Variants in USP4 observed in about 807,000 individuals in gnomAD.
USP4 encodes ubiquitin specific peptidase 4, also known as ubiquitin carboxyl-terminal hydrolase 4.
A neutral mutation model predicts 118.2 loss-of-function variants in USP4; 72 were observed. The ratio of observed to expected loss-of-function variants is 0.61; its 90% confidence interval spans 0.50 to 0.74. USP4 has a LOEUF of 0.74. Among genes scored for constraint, USP4 ranks in the 30% least tolerant of loss-of-function variants. The pLI is 0.00. For missense variants in USP4, 1,037 were observed against 1,185.7 expected (o/e 0.87, Z 1.84); for synonymous variants, 415 against 440.4 (o/e 0.94, Z 0.72).
intron 11 of USP4, 142 bp downstream of exon 11, chr3:49,300,325 G>A (rs1341758672): frequency 1.9e-5 from 13 of 668,352 alleles, no homozygotes; most frequent in Non-Finnish European, 3.1e-5. Flanking sequence ...ATTAGACAAA[G>A]GTCTGATGGA....
chr3:49,289,914 T>C (rs911115661), intron 15 of USP4, among the ~76,000 whole-genome samples: 2 of 151,922 alleles, frequency 1.3e-5, no homozygotes, highest in Non-Finnish European at 2.9e-5. Flanking sequence ...AAGACCAGCC[T>C]GGGGAACATG....
chr3:49,317,299 G>A (rs754928744), intron 6 of USP4: 3 of 1,476,568 alleles, frequency 2.0e-6, no homozygotes, highest in South Asian at 2.4e-5. Flanking sequence ...GTTGACGCAG[G>A]CCAGCTTCTC....
At chr3:49,334,463 A>C (rs1270990304) in intron 2 of USP4, among the ~76,000 whole-genome samples, 1 of 152,198 alleles carries the variant, frequency 6.6e-6, no homozygotes, top group Non-Finnish European at 1.5e-5. Flanking sequence ...AGTTTTAAAA[A>C]TATCCAAGTT....
chr3:49,316,327 A>G (rs1320448722), intron 6 of USP4, among the ~76,000 whole-genome samples: 3 of 152,170 alleles, frequency 2.0e-5, no homozygotes, highest in Non-Finnish European at 2.9e-5. Context: ...TCACTCTGTC[A>G]CCCAGGCTGG....
rs1401932060 is a variant in USP4, at chr3:49,284,058, G to A, written c.2469C>T (p.Val823=). 1 of 1,614,232 alleles carries A rather than the reference G, an allele frequency of 6.2e-7. No individual in the cohort carries two copies. Among genetic ancestry groups the A allele is most frequent in the East Asian group, 2.2e-5 (1 of 44,888 alleles). ...TGTTGTAGGAGAAACGTTTGAGGTG[G>A]ACCACCAGGATCTTGGGCAAGGACC... The part of the protein sequence containing the change: ...DLWSLPKILV[V]HLKRFSYNRY... Residue 823 remains valine (V), a synonymous_variant, in exon 19 of 22, where the codon GTC becomes GTT. Transcript: ENST00000265560.
intron 8 of USP4, among the ~76,000 whole-genome samples, chr3:49,308,305 C>G (rs1349625639): frequency 1.3e-5 from 2 of 151,970 alleles, no homozygotes; most frequent in Non-Finnish European, 2.9e-5. Context: ...GGTAATGAGT[C>G]AATCATATTT....
intron 11 of USP4, among the ~76,000 whole-genome samples, chr3:49,299,868 C>T (rs2047247480): frequency 6.6e-6 from 1 of 152,144 alleles, no homozygotes; most frequent in South Asian, 2.1e-4. Context: ...CGAAAAGAAC[C>T]GTGCTTCTGG....
intron 15 of USP4, among the ~76,000 whole-genome samples, chr3:49,286,879 T>C (rs896558051): frequency 5.4e-5 from 8 of 149,332 alleles, no homozygotes; most frequent in African/African-American, 2.0e-4. Flanking sequence ...AGATGGAGTC[T>C]CACTCTGTCA....
At position 49,325,800 on chromosome 3, in the gene USP4, A is replaced by T; in HGVS notation, c.406T>A (p.Tyr136Asn). ...TCACAGAGCTTCAGTTCCAGCAAAT[A>T]CACCTCGACTTTGCAGTGCTTGACA... ...LFVKHCKVEV[Y>N]LLELKLCENS... Residue 136 changes from tyrosine (Y) to asparagine (N), a missense_variant, in exon 4 of 22, where the codon TAT becomes AAT. Coordinates refer to ENST00000265560, the MANE Select transcript of USP4 (RefSeq NM_003363.4). The T allele has an allele frequency of 6.2e-7, 1 of 1,613,944 alleles. No individual in the cohort carries two copies. Among genetic ancestry groups the T allele is most frequent in the Non-Finnish European group, 8.5e-7 (1 of 1,179,914 alleles).
chr3:49,299,081 CT>C (rs869231488), intron 11 of USP4, among the ~76,000 whole-genome samples: 2 of 151,460 alleles, frequency 1.3e-5, no homozygotes, highest in South Asian at 2.1e-4. Context: ...CCTCAACTTT[CT>C]TTTTTTTCTT....
At chr3:49,310,515 G>A (rs978121328) in intron 8 of USP4, 105 bp downstream of exon 8, 38 of 930,286 alleles carry the variant, frequency 4.1e-5, no homozygotes, top group Non-Finnish European at 6.7e-5. Context: ...ACCAACAAGG[G>A]GTAGGCAGGG....
At chr3:49,302,775 C>T (rs993268118) in intron 9 of USP4, among the ~76,000 whole-genome samples, 1 of 152,138 alleles carries the variant, frequency 6.6e-6, no homozygotes. Context: ...GGCCACTGCC[C>T]TAAGTCCTAA....
chr3:49,317,413 T>C (rs773905826), intron 6 of USP4: 7 of 978,144 alleles, frequency 7.2e-6, no homozygotes, highest in South Asian at 6.9e-5. Flanking sequence ...CTCTATGCAT[T>C]TGACCAGCTT....
chr3:49,316,929 T>G, intron 6 of USP4: 3 of 616,610 alleles, frequency 4.9e-6, no homozygotes, highest in Non-Finnish European at 8.6e-6. Context: ...GCCCCGGGCT[T>G]GTCACTGATG....
chr3:49,299,822 A>C (rs528448978), intron 11 of USP4, among the ~76,000 whole-genome samples: 3 of 152,208 alleles, frequency 2.0e-5, no homozygotes, highest in Non-Finnish European at 2.9e-5. Context: ...TCTTCTGTAC[A>C]GGCTGTCCTA....
At chr3:49,305,600 C>T in intron 9 of USP4, 115 bp downstream of exon 9, 1 of 891,834 alleles carries the variant, frequency 1.1e-6, no homozygotes, top group South Asian at 2.4e-5. Context: ...AACTAGTAAG[C>T]ATAATGTAAA....
intron 6 of USP4, chr3:49,312,686 G>A (rs1396393872): frequency 2.8e-5 from 9 of 326,264 alleles, no homozygotes; most frequent in Non-Finnish European, 5.5e-5. Flanking sequence ...CAGCTACTGG[G>A]GAGGCTGAGG....
chr3:49,326,376 A>G lies in USP4; in HGVS notation c.361-531T>C, dbSNP rs532191677. ...CACTAAGACCAAGAGCATCTTGATG[A>G]TATTAGAGAGAAGCCTATTCTTCAC... On this transcript the variant is annotated intron_variant, in intron 3 of 21. Coordinates refer to ENST00000265560, the MANE Select transcript of USP4 (RefSeq NM_003363.4). Among the ~76,000 whole-genome samples the G allele has an allele frequency of 8.5e-5, 13 of 152,048 alleles. No individual in the cohort carries two copies. The South Asian group carries it at 2.7e-3, about 32-fold the overall frequency.
intron 2 of USP4, 77 bp downstream of exon 2, chr3:49,335,392 G>T (rs373350155): frequency 6.3e-7 from 1 of 1,589,630 alleles, no homozygotes. Flanking sequence ...AGTTCACAAC[G>T]TCCATGTTAC....
Sources: gnomAD v4.1 joint callset for allele counts (sites outside exome capture counted in the v4.1 genomes callset) on GRCh38, gnomAD v4.1.1 for gene constraint, MANE v1.5 for transcripts, NCBI Gene and HGNC (gene_info 2026-07-23, HGNC 2026-07-21) for gene names.